PIAS4: variants seen among roughly 807,000 people sequenced by gnomAD.
PIAS4 encodes the protein E3 SUMO-protein ligase PIAS4.
In PIAS4, 7 loss-of-function variants were observed where a neutral mutation model predicts 58.0. That is an observed-to-expected ratio of 0.12 (90% CI 0.07 to 0.23). The LOEUF (loss-of-function observed/expected upper bound fraction) is 0.23. Among genes scored for constraint, PIAS4 ranks in the 10% least tolerant of loss-of-function variants. PIAS4 has a pLI of 1.00. For missense variants in PIAS4, 550 were observed against 709.5 expected, an observed-to-expected ratio of 0.78 and a Z score of 2.55; for synonymous variants, 364 against 312.4, an observed-to-expected ratio of 1.17 and a Z score of -1.74.
At chr19:4,022,286 G>A (rs1375102346) in intron 2 of PIAS4, among the ~76,000 whole-genome samples, 4 of 152,104 alleles carry the variant, frequency 2.6e-5, no homozygotes, top group Non-Finnish European at 5.9e-5. Context: ...GATATTGGTA[G>A]TTTGTGTTCT....
intron 8 of PIAS4, 46 bp from the exon 9 acceptor site, chr19:4,033,374 G>C (rs1345863877): frequency 6.6e-7 from 1 of 1,521,860 alleles, no homozygotes; most frequent in Non-Finnish European, 8.8e-7. Context: ...CGGGCAGGCG[G>C]GCACAACAGG....
rs2039957079 is a variant in PIAS4, at chr19:4,007,772, G to A, written c.12G>A (p.Glu4=). 1 of 1,216,440 alleles carries A rather than the reference G, an allele frequency of 8.2e-7. No homozygotes were observed. Among genetic ancestry groups the A allele is most frequent in the Non-Finnish European group, 1.0e-6 (1 of 971,468 alleles). The allele number at this position is 1,216,440 out of a possible 1,614,324, so 75.4% of individuals were successfully genotyped here. The change falls in exon 1 of 11, where the codon GAG becomes GAA. Residue 4 remains glutamate (E), a synonymous_variant. Coordinates refer to ENST00000262971, the MANE Select transcript of PIAS4 (RefSeq NM_015897.4). MAA[E]LVEAKNMVMS... ...CGCTGGTGACCAAGATGGCGGCGGA[G>A]CTGGTGGAGGCCAAAGTGAGTGAGC...
At chr19:4,007,908 G>C (rs1225456192) in intron 1 of PIAS4, 121 bp downstream of exon 1, 1 of 724,022 alleles carries the variant, frequency 1.4e-6, no homozygotes, top group Admixed American at 4.7e-5. Flanking sequence ...GCGGCTCGCC[G>C]TCCCGGCCCC....
intron 3 of PIAS4, among the ~76,000 whole-genome samples, chr19:4,027,564 TTTTG>T (rs2040179022): frequency 6.7e-6 from 1 of 149,050 alleles, no homozygotes. Context: ...TGTTACTGGT[TTTTG>T]TTTTTTTTTT....
rs755538571 is a variant in PIAS4, at chr19:4,033,413, C to T, written c.982-7C>T. The stretch of plus-strand genomic sequence containing the variant: ...GGTGCCCTGCTCACGCAGCCCCTCC[C>T]CCACAGCTGGTGAAGATGCGGCTCT... On this transcript the variant is annotated splice_polypyrimidine_tract_variant and splice_region_variant and intron_variant, in intron 8 of 10. Coordinates refer to ENST00000262971, the MANE Select transcript of PIAS4 (RefSeq NM_015897.4). 23 of 1,548,932 alleles carry T rather than the reference C, an allele frequency of 1.5e-5. No individual in the cohort carries two copies. The East Asian group carries it at 4.9e-4, about 33-fold the overall frequency.
At chr19:4,029,538 C>G (rs1343935229) in intron 7 of PIAS4, among the ~76,000 whole-genome samples, 5 of 151,940 alleles carry the variant, frequency 3.3e-5, no homozygotes, top group Non-Finnish European at 5.9e-5. Flanking sequence ...CCCGTTTAAT[C>G]TTTTTTCTTT....
At chr19:4,028,681 CGCTCTTG>C in intron 5 of PIAS4, 32 bp from the exon 6 acceptor site, 6 of 1,603,448 alleles carry the variant, frequency 3.7e-6, no homozygotes, top group Non-Finnish European at 5.1e-6. Context: ...ATTTCCCAGC[CGCTCTTG>C]GCTCGAGGCT....
chr19:4,038,117 TAAA>T lies in PIAS4; in HGVS notation c.*245_*247del, dbSNP rs746220346. On this transcript the variant is annotated 3_prime_UTR_variant, in exon 11 of 11. Coordinates refer to ENST00000262971, the MANE Select transcript of PIAS4 (RefSeq NM_015897.4). The surrounding 1 kb of genome is among the most constrained non-coding windows in gnomAD (Gnocchi z 4.1). ...AAATGAAACAAAAAAGTCAAACTCT[TAAA>T]AACAAGGCCGGCCACCCACACAGCC... 1 of 492,722 alleles carries T rather than the reference TAAA, an allele frequency of 2.0e-6. No homozygotes were observed. Among genetic ancestry groups the T allele is most frequent in the Non-Finnish European group, 3.5e-6 (1 of 284,672 alleles). The allele number at this position is 492,722 out of a possible 1,614,324, so 30.5% of individuals were successfully genotyped here.
Position 4,007,752 on chromosome 19 carries a change from G to C in PIAS4, c.-9G>C, listed in dbSNP as rs2039956875. On this transcript the variant is annotated 5_prime_UTR_variant, in exon 1 of 11. Coordinates refer to ENST00000262971, the MANE Select transcript of PIAS4 (RefSeq NM_015897.4). The stretch of plus-strand genomic sequence containing the variant: ...GGGGCTCCCGGCGCGGGGGACGCTG[G>C]TGACCAAGATGGCGGCGGAGCTGGT... 2 of 1,216,452 alleles carry C rather than the reference G, an allele frequency of 1.6e-6. No individual in the cohort carries two copies. Among genetic ancestry groups the C allele is most frequent in the African/African-American group, 3.2e-5 (2 of 63,186 alleles). 75.4% of individuals were successfully genotyped at this position (1,216,452 alleles called of 1,614,324 possible).
chr19:4,030,013 G>A (rs992043346), intron 7 of PIAS4, among the ~76,000 whole-genome samples: 2 of 151,598 alleles, frequency 1.3e-5, no homozygotes, highest in Non-Finnish European at 2.9e-5. Flanking sequence ...CAGTAGAGAC[G>A]GGGTTTCACC....
chr19:4,013,400 G>A lies in PIAS4; in HGVS notation c.454+51G>A, dbSNP rs771558606. 1.5e-5 allele frequency: 22 copies of A among 1,509,996 alleles called. No individual in the cohort carries two copies. Among genetic ancestry groups the A allele is most frequent in the Admixed American group, 1.0e-4 (6 of 57,584 alleles). The allele number at this position is 1,509,996 out of a possible 1,614,324, so 93.5% of individuals were successfully genotyped here. A position where few individuals can be genotyped will look rare whatever the true frequency, so the allele number is the denominator to read the frequency against. The stretch of plus-strand genomic sequence containing the variant: ...CGACTGGAGGCTTCACCTAGGCCCC[G>A]TCGCCCAGCCCAGCCCAGCCACACA... On this transcript the variant is annotated intron_variant, in intron 2 of 10. Coordinates refer to ENST00000262971, the MANE Select transcript of PIAS4 (RefSeq NM_015897.4). This position sits in a 1 kb window ranked among gnomAD's most constrained non-coding sequence, Gnocchi z 5.1.
intron 2 of PIAS4, among the ~76,000 whole-genome samples, chr19:4,016,142 C>T (rs1478033395): frequency 6.6e-6 from 1 of 152,240 alleles, no homozygotes; most frequent in Non-Finnish European, 1.5e-5. Flanking sequence ...GCAAGGAAGC[C>T]GGCGCCACCC....
At chr19:4,017,764 C>G (rs56853898) in intron 2 of PIAS4, 1 of 150,258 alleles carries the variant, frequency 6.7e-6, no homozygotes, top group East Asian at 2.0e-4. Flanking sequence ...ACTACAGCCT[C>G]CTGGCTTCAA....
Position 4,038,082 on chromosome 19 carries a change from C to CA in PIAS4, c.*213dup, listed in dbSNP as rs952697049. 5.4e-6 allele frequency: 3 copies of CA among 551,328 alleles called. No individual in the cohort carries two copies. Among genetic ancestry groups the CA allele is most frequent in the African/African-American group, 4.0e-5 (2 of 49,738 alleles). 34.2% of individuals were successfully genotyped at this position (551,328 alleles called of 1,614,324 possible). On this transcript the variant is annotated 3_prime_UTR_variant, in exon 11 of 11. Coordinates refer to ENST00000262971, the MANE Select transcript of PIAS4 (RefSeq NM_015897.4). The surrounding 1 kb of genome is among the most constrained non-coding windows in gnomAD (Gnocchi z 4.1). ...AAAAGTAAAATGACAAAAAAAGATA[C>CA]AAAAAAGAAAAATGAAACAAAAAAG...
In PIAS4 at chr19:4,037,977, T is replaced by C. The variant is rs1319972431; in HGVS notation, c.*102T>C. Reference sequence around the variant, plus strand: ...GTGACCTTTCTTTTTCTTTTTATTGTCGTTCGTTTTGTTTTTCCACCCTTT... The same window carrying C: ...GTGACCTTTCTTTTTCTTTTTATTGCCGTTCGTTTTGTTTTTCCACCCTTT... On this transcript the variant is annotated 3_prime_UTR_variant, in exon 11 of 11. Transcript: ENST00000262971. This position sits in a 1 kb window ranked among gnomAD's most constrained non-coding sequence, Gnocchi z 5.8. The C allele has an allele frequency of 7.7e-7, 1 of 1,298,504 alleles. No individual in the cohort carries two copies. Among genetic ancestry groups the C allele is most frequent in the Non-Finnish European group, 1.0e-6 (1 of 958,794 alleles). The allele number at this position is 1,298,504 out of a possible 1,614,324, so 80.4% of individuals were successfully genotyped here.
chr19:4,030,259 C>T (rs1446416738), intron 7 of PIAS4, among the ~76,000 whole-genome samples: 1 of 151,634 alleles, frequency 6.6e-6, no homozygotes, highest in Non-Finnish European at 1.5e-5. Flanking sequence ...ACTTTCGCAC[C>T]TGGTCTCTTT....
intron 5 of PIAS4, 33 bp downstream of exon 5, chr19:4,028,633 G>T: frequency 6.2e-7 from 1 of 1,608,798 alleles, no homozygotes; most frequent in African/African-American, 1.3e-5. Context: ...TCGGCTGCAC[G>T]GGTTTGGGGG....
In PIAS4 at chr19:4,033,187, CG is replaced by C; in HGVS notation, c.981+16del. ...CTCATCTGTCCGGTGAGTCGGGGCG[CG>C]GTCCCCTCCTCGAGGCCTCTCCTGC... On this transcript the variant is annotated intron_variant, in intron 8 of 10. Transcript: ENST00000262971. 1 of 1,603,158 alleles carries C rather than the reference CG, an allele frequency of 6.2e-7. No individual in the cohort carries two copies. Among genetic ancestry groups the C allele is most frequent in the Non-Finnish European group, 8.5e-7 (1 of 1,175,998 alleles).
chr19:4,021,955 C>T (rs373101848), intron 2 of PIAS4, among the ~76,000 whole-genome samples: 309 of 152,036 alleles, frequency 2.0e-3, no homozygotes, highest in Middle Eastern at 6.8e-3. Flanking sequence ...CACTTTGTTG[C>T]CCAGGCTGGC....
Sources: gnomAD v4.1 joint callset for allele counts (sites outside exome capture counted in the v4.1 genomes callset) on GRCh38, gnomAD v4.1.1 for gene constraint, Gnocchi (gnomAD v3.1) non-coding constraint, MANE v1.5 for transcripts, NCBI Gene and HGNC (gene_info 2026-07-23, HGNC 2026-07-21) for gene names.